Variants in PPL observed in about 807,000 individuals in gnomAD.
The protein encoded by PPL is 190 kDa paraneoplastic pemphigus antigen.
Under a neutral mutation model 194.4 loss-of-function variants are expected in PPL, and 198 were observed. The ratio of observed to expected loss-of-function variants is 1.02; its 90% CI spans 0.91 to 1.15. PPL has a LOEUF of 1.15. Among genes scored for constraint, PPL ranks in the 50% most tolerant of loss-of-function variants. The probability of loss-of-function intolerance (pLI) is 0.00; values close to 1 mark genes in which losing one functional copy is unlikely to be tolerated. For missense variants in PPL, 2,885 were observed against 2,294.8 expected, an observed-to-expected ratio of 1.26 and a Z score of -5.25; for synonymous variants, 1,220 against 972.4, an observed-to-expected ratio of 1.25 and a Z score of -4.74.
intron 1 of PPL, among the ~76,000 whole-genome samples, chr16:4,927,128 A>T (rs866304904): frequency 6.6e-6 from 1 of 152,196 alleles, no homozygotes; most frequent in Admixed American, 6.5e-5. Flanking sequence ...AATTTTGCCT[A>T]TTAAAAGATA....
rs780995234 is a variant in PPL, at chr16:4,885,026, C to T, written c.3629G>A (p.Arg1210Gln). 245 of 1,613,694 alleles carry T rather than the reference C, an allele frequency of 1.5e-4. No homozygotes were observed. The highest frequency in any genetic ancestry group is 1.9e-4 in the Non-Finnish European group (221 of 1,180,004). ...RKYRGAEEQL[R>Q]SYQSELEALR... ...GGCCTCCAGCTCACTCTGGTAGCTC[C>T]GGAGCTGCTCCTCGGCACCCCGGTA... is the stretch of plus-strand genomic sequence containing the variant. The change falls in exon 22 of 22, where the codon CGG becomes CAG. Residue 1210 changes from arginine (R) to glutamine (Q), a missense_variant. Transcript: ENST00000345988. This position sits in a 1 kb window ranked among gnomAD's most constrained non-coding sequence, Gnocchi z 6.3.
chr16:4,929,408 CGCTGTGCCCCCCGCCA>C (rs1285494765), intron 1 of PPL, among the ~76,000 whole-genome samples: 1 of 152,110 alleles, frequency 6.6e-6, no homozygotes, highest in Non-Finnish European at 1.5e-5. Flanking sequence ...GCTCTTCCCA[CGCTGTGCCCCCCGCCA>C]GCTGTGCCCC....
intron 18 of PPL, among the ~76,000 whole-genome samples, chr16:4,889,549 G>T (rs1022579559): frequency 6.6e-6 from 1 of 151,918 alleles, no homozygotes; most frequent in Admixed American, 6.6e-5. Context: ...GAGCCACCGC[G>T]CCCAGCCACA....
intron 1 of PPL, among the ~76,000 whole-genome samples, chr16:4,932,294 A>G (rs559336943): frequency 5.3e-5 from 8 of 152,288 alleles, no homozygotes; most frequent in Admixed American, 3.3e-4. Context: ...GCTGTTACCC[A>G]CATGGGTCCC....
intron 2 of PPL, among the ~76,000 whole-genome samples, chr16:4,907,934 T>C (rs2088728905): frequency 6.6e-6 from 1 of 151,792 alleles, no homozygotes; most frequent in Non-Finnish European, 1.5e-5. Context: ...GGTGGGCAGA[T>C]CACAAGGTCA....
intron 1 of PPL, among the ~76,000 whole-genome samples, chr16:4,933,481 G>A (rs1328139586): frequency 6.6e-6 from 1 of 152,136 alleles, no homozygotes; most frequent in East Asian, 1.9e-4. Flanking sequence ...GCAGAGCTGG[G>A]TCTTGGCCAC....
chr16:4,893,733 A>G (rs996252598), intron 12 of PPL, 95 bp from the exon 13 acceptor site: 40 of 1,036,716 alleles, frequency 3.9e-5, no homozygotes, highest in Non-Finnish European at 5.2e-5. Context: ...CAGACACCCC[A>G]GAGGAGCCTG....
Position 4,884,267 on chromosome 16 carries a change from C to T in PPL, c.4388G>A (p.Arg1463Gln), listed in dbSNP as rs201005685. 5.0e-5 allele frequency: 81 copies of T among 1,612,666 alleles called. No individual in the cohort carries two copies. Among genetic ancestry groups the T allele is most frequent in the East Asian group, 6.7e-5 (3 of 44,854 alleles). The change falls in exon 22 of 22, where the codon CGA (arginine) becomes CAA (glutamine). Residue 1463 changes from arginine to glutamine, a missense_variant. Coordinates refer to ENST00000345988, the MANE Select transcript of PPL (RefSeq NM_002705.5). This position sits in a 1 kb window ranked among gnomAD's most constrained non-coding sequence, Gnocchi z 5.7. ...PQQAREHALL[R>Q]LQLEEEQHRR... Reference sequence around the variant, plus strand: ...GTGCTGCTCTTCTTCCAGCTGGAGTCGGAGCAGGGCATGCTCTCGCGCCTG... The same window carrying T: ...GTGCTGCTCTTCTTCCAGCTGGAGTTGGAGCAGGGCATGCTCTCGCGCCTG...
chr16:4,886,670 G>T (rs1044270944), intron 21 of PPL, among the ~76,000 whole-genome samples: 6 of 152,186 alleles, frequency 3.9e-5, no homozygotes, highest in African/African-American at 1.2e-4. Flanking sequence ...CCAGGCTGGA[G>T]TGCAGTGGCA....
intron 4 of PPL, among the ~76,000 whole-genome samples, chr16:4,901,709 A>T (rs1187298523): frequency 6.8e-6 from 1 of 146,514 alleles, no homozygotes; most frequent in Non-Finnish European, 1.5e-5. Flanking sequence ...AAATAAATAA[A>T]TAATAAAACT....
chr16:4,892,023 T>C lies in PPL; in HGVS notation c.1829+12A>G, dbSNP rs1441875622. ...CCCACCCCAACCTCCATGCTGCCTG[T>C]CTGCCACCCACTTCTCCTGGGCCAA... On this transcript the variant is annotated intron_variant, in intron 15 of 21. Coordinates refer to ENST00000345988, the MANE Select transcript of PPL (RefSeq NM_002705.5). 3 of 1,612,212 alleles carry C rather than the reference T, an allele frequency of 1.9e-6. No individual in the cohort carries two copies. The highest frequency in any genetic ancestry group is 1.3e-5 in the African/African-American group (1 of 75,028).
chr16:4,887,171 C>T lies in PPL; in HGVS notation c.2571G>A (p.Leu857=). Reference sequence around the variant, plus strand: ...GATTCAGAGCAAACTCCAGATTCTGCAGCCTCTGTCTGTTGATGGCATAAA... The same window carrying T: ...GATTCAGAGCAAACTCCAGATTCTGTAGCCTCTGTCTGTTGATGGCATAAA... The part of the protein sequence containing the change: ...TEVYAINRQR[L]QNLEFALNLL... Residue 857 remains leucine, a synonymous_variant, in exon 21 of 22, where the codon CTG becomes CTA. Transcript: ENST00000345988. The T allele has an allele frequency of 6.2e-7, 1 of 1,614,146 alleles. No individual in the cohort carries two copies. Among genetic ancestry groups the T allele is most frequent in the Non-Finnish European group, 8.5e-7 (1 of 1,179,958 alleles).
intron 1 of PPL, among the ~76,000 whole-genome samples, chr16:4,930,257 G>A (rs2089210196): frequency 6.6e-6 from 1 of 152,182 alleles, no homozygotes; most frequent in African/African-American, 2.4e-5. Context: ...GGCTGGGTCA[G>A]GGCCCTCCTT....
Position 4,885,309 on chromosome 16 carries a change from C to T in PPL, c.3346G>A (p.Glu1116Lys), listed in dbSNP as rs1206320091. The T allele has an allele frequency of 6.2e-7, 1 of 1,612,476 alleles. No individual in the cohort carries two copies. Among genetic ancestry groups the T allele is most frequent in the South Asian group, 1.1e-5 (1 of 91,062 alleles). ...GCGTCCTTCTCCACCTTGAGCACCTCCTTGACGGTGATCTTGCCCTCGGCC... is the reference window on the plus strand; with the variant it reads ...GCGTCCTTCTCCACCTTGAGCACCTTCTTGACGGTGATCTTGCCCTCGGCC... ...AMAEGKITVKEVLKVEKDAAT... is the reference protein window; with the variant it reads ...AMAEGKITVKKVLKVEKDAAT... The change falls in exon 22 of 22, where the codon GAG (glutamate) becomes AAG (lysine). Residue 1116 changes from glutamate (E) to lysine (K), a missense_variant. Glu to Lys is a moderately conservative substitution (Grantham distance 56, BLOSUM62 1). Coordinates refer to ENST00000345988, the MANE Select transcript of PPL (RefSeq NM_002705.5). This position sits in a 1 kb window ranked among gnomAD's most constrained non-coding sequence, Gnocchi z 6.3.
In PPL at chr16:4,901,087, G is replaced by C. The variant is rs747001049; in HGVS notation, c.441C>G (p.Asp147Glu). The C allele has an allele frequency of 3.1e-6, 5 of 1,614,014 alleles. No individual in the cohort carries two copies. The highest frequency in any genetic ancestry group is 1.3e-5 in the African/African-American group (1 of 74,946). The change falls in exon 5 of 22, where the codon GAC becomes GAG. Residue 147 changes from aspartate (D) to glutamate (E), a missense_variant and splice_region_variant. By Grantham distance (45) the Asp-to-Glu change is conservative. Coordinates refer to ENST00000345988, the MANE Select transcript of PPL (RefSeq NM_002705.5). ...NWAALVEEKL[D>E]KLNNQSFGTD... ...TCCCAAAGCTCTGGTTGTTCAGCTT[G>C]TCCTGGCCAGGAGGGCAGAGAAGCA...
chr16:4,897,551 G>A, intron 9 of PPL, 124 bp downstream of exon 9: 1 of 696,086 alleles, frequency 1.4e-6, no homozygotes, highest in Non-Finnish European at 2.4e-6. Context: ...GGGGGCCTGG[G>A]ATGGCTGCCC....
At chr16:4,901,156 C>T (rs1166793141) in intron 4 of PPL, 67 bp from the exon 5 acceptor site, 1 of 1,567,672 alleles carries the variant, frequency 6.4e-7, no homozygotes, top group Non-Finnish European at 8.7e-7. Flanking sequence ...GTGGCCACCC[C>T]AGGAGCCTCG....
intron 2 of PPL, among the ~76,000 whole-genome samples, chr16:4,909,843 T>G (rs1225331043): frequency 1.3e-5 from 2 of 152,230 alleles, no homozygotes; most frequent in African/African-American, 4.8e-5. Context: ...AGCCTTTCCC[T>G]AATAACACAT....
chr16:4,883,623 C>T lies in PPL; in HGVS notation c.5032G>A (p.Gly1678Arg), dbSNP rs201018062. Residue 1678 changes from glycine to arginine, a missense_variant, in exon 22 of 22, where the codon GGG (glycine) becomes AGG (arginine). Gly to Arg is a moderately radical substitution (Grantham distance 125). Transcript: ENST00000345988. This position sits in a 1 kb window ranked among gnomAD's most constrained non-coding sequence, Gnocchi z 4.8. ...ACGAACATGTTCCAGTCAATGAGCC[C>T]GGCACGGTGGGCTTCCTCCGGGGAC... The part of the protein sequence containing the change: ...ELSPEEAHRA[G>R]LIDWNMFVKL... 5.3e-5 allele frequency: 86 copies of T among 1,614,168 alleles called. No individual in the cohort carries two copies. Among genetic ancestry groups the T allele is most frequent in the East Asian group, 2.2e-4 (10 of 44,886 alleles).
Sources: allele counts gnomAD v4.1 joint callset (sites outside exome capture counted in the v4.1 genomes callset), GRCh38; gene constraint gnomAD v4.1.1; non-coding constraint Gnocchi (gnomAD v3.1); transcripts MANE v1.5; gene names NCBI Gene and HGNC (gene_info 2026-07-23, HGNC 2026-07-21).